Variants in SCFD2 observed in about 807,000 individuals in gnomAD.
The protein encoded by SCFD2 is sec1 family domain-containing protein 2.
A neutral mutation model predicts 58.9 loss-of-function variants in SCFD2; 54 were observed. The ratio of observed to expected loss-of-function variants is 0.92; its 90% CI spans 0.74 to 1.15. The LOEUF (loss-of-function observed/expected upper bound fraction) is 1.15, where lower values mean the gene tolerates loss of function less well. Ranked by LOEUF, SCFD2 falls within the 50% of genes most tolerant of loss-of-function variation. SCFD2 has a pLI of 0.00. For synonymous variants in SCFD2, 321 were observed against 335.9 expected (o/e 0.96, Z 0.49); for missense variants, 805 against 836.6 (o/e 0.96, Z 0.47).
At position 53,234,924 on chromosome 4, in the gene SCFD2, G is replaced by A. The variant is rs180712019; in HGVS notation, c.1311+38902C>T. Reference sequence around the variant, plus strand: ...TCTTACTCACACAAAGTGAAAATAGGTGATCCTGGGCTGGTATGGTGTTTC... The same window carrying A: ...TCTTACTCACACAAAGTGAAAATAGATGATCCTGGGCTGGTATGGTGTTTC... On this transcript the variant is annotated intron_variant, in intron 4 of 8. Transcript: ENST00000401642. Among the ~76,000 whole-genome samples the A allele has an allele frequency of 3.9e-5, 6 of 152,354 alleles. No individual in the cohort carries two copies. The East Asian group carries it at 1.2e-3, about 29-fold the overall frequency.
chr4:53,298,547 A>G (rs780196379), intron 3 of SCFD2, among the ~76,000 whole-genome samples: 8 of 152,336 alleles, frequency 5.3e-5, no homozygotes, highest in Non-Finnish European at 8.8e-5. Flanking sequence ...AAAGACAGCA[A>G]TAACCTCTGC....
At chr4:53,198,222 A>G (rs1266941791) in intron 4 of SCFD2, among the ~76,000 whole-genome samples, 1 of 152,088 alleles carries the variant, frequency 6.6e-6, no homozygotes, top group Non-Finnish European at 1.5e-5. Flanking sequence ...AACAATAATT[A>G]CTGTATTTGA....
intron 5 of SCFD2, among the ~76,000 whole-genome samples, chr4:53,122,151 T>C (rs1577746914): frequency 6.6e-6 from 1 of 151,946 alleles, no homozygotes; most frequent in Non-Finnish European, 1.5e-5. Flanking sequence ...CTGAGGCAGG[T>C]GGATCACCTG....
intron 5 of SCFD2, among the ~76,000 whole-genome samples, chr4:53,056,214 G>C (rs1723335204): frequency 6.7e-6 from 1 of 149,120 alleles, no homozygotes; most frequent in Admixed American, 6.8e-5. Context: ...ATGACTGCCT[G>C]TATTATACAA....
chr4:53,163,248 C>T (rs1410669546), intron 4 of SCFD2, among the ~76,000 whole-genome samples: 2 of 152,198 alleles, frequency 1.3e-5, no homozygotes, highest in Non-Finnish European at 2.9e-5. Context: ...GGCTTGAGTG[C>T]TGGAATCAGG....
chr4:53,238,115 C>A (rs1176749861), intron 4 of SCFD2, among the ~76,000 whole-genome samples: 1 of 133,456 alleles, frequency 7.5e-6, no homozygotes, highest in African/African-American at 2.8e-5. Context: ...CCTCACTTCC[C>A]AGTAGGGGTG....
chr4:52,883,418 C>G (rs899338278), intron 8 of SCFD2, among the ~76,000 whole-genome samples: 3 of 152,212 alleles, frequency 2.0e-5, no homozygotes, highest in Non-Finnish European at 2.9e-5. Flanking sequence ...GGCCTGCTAA[C>G]TCTTCAGGGG....
chr4:52,990,487 GGGAGAGCTGA>G (rs1474612218), intron 5 of SCFD2, among the ~76,000 whole-genome samples: 98 of 152,316 alleles, frequency 6.4e-4, no homozygotes, highest in African/African-American at 2.3e-3. Context: ...CCAGCCAATG[GGGAGAGCTGA>G]GGCTGCTTGC....
intron 3 of SCFD2, among the ~76,000 whole-genome samples, chr4:53,278,510 C>T (rs1731405595): frequency 6.7e-6 from 1 of 149,654 alleles, no homozygotes; most frequent in South Asian, 2.1e-4. Context: ...GCCTGGGCGA[C>T]AGAGTGAGAC....
chr4:53,128,577 C>T (rs773065944), intron 5 of SCFD2, among the ~76,000 whole-genome samples: 4 of 151,254 alleles, frequency 2.6e-5, no homozygotes, highest in Non-Finnish European at 4.4e-5. Context: ...CTGTAAGGTT[C>T]GGAGGGGAGG....
At chr4:53,354,501 A>T (rs1341623191) in intron 1 of SCFD2, among the ~76,000 whole-genome samples, 1 of 152,196 alleles carries the variant, frequency 6.6e-6, no homozygotes, top group Non-Finnish European at 1.5e-5. Flanking sequence ...CTCCGGCCTC[A>T]ACCAGCCCAG....
At chr4:52,959,332 T>C (rs1434029197) in intron 5 of SCFD2, among the ~76,000 whole-genome samples, 3 of 152,142 alleles carry the variant, frequency 2.0e-5, no homozygotes, top group African/African-American at 7.2e-5. Flanking sequence ...TGGGCTGCTC[T>C]ACCCAGAATC....
chr4:53,090,843 C>T (rs895830624), intron 5 of SCFD2, among the ~76,000 whole-genome samples: 1 of 152,070 alleles, frequency 6.6e-6, no homozygotes, highest in South Asian at 2.1e-4. Flanking sequence ...CTTCACACCA[C>T]CCCTATGGGA....
intron 5 of SCFD2, among the ~76,000 whole-genome samples, chr4:53,026,623 C>A (rs1160141887): frequency 1.3e-5 from 2 of 152,146 alleles, no homozygotes; most frequent in African/African-American, 4.8e-5. Context: ...ACAGTGAGAA[C>A]CCTGCAAATC....
At chr4:53,289,477 A>G (rs1460862980) in intron 3 of SCFD2, among the ~76,000 whole-genome samples, 1 of 152,194 alleles carries the variant, frequency 6.6e-6, no homozygotes, top group Non-Finnish European at 1.5e-5. Context: ...TATGGCAGAT[A>G]CACAAATGAG....
At position 53,365,948 on chromosome 4, in the gene SCFD2, G is replaced by T; in HGVS notation, c.-7C>A. On this transcript the variant is annotated 5_prime_UTR_variant, in exon 1 of 9. Transcript: ENST00000401642. This position sits in a 1 kb window ranked among gnomAD's most constrained non-coding sequence, Gnocchi z 4.3. ...GTACGCCCGAGGCGCTCATGGTTGG[G>T]GATTCGCAGACTTGGGAAACTACGG... 9 of 1,516,422 alleles carry T rather than the reference G, an allele frequency of 5.9e-6. No homozygotes were observed. The highest frequency in any genetic ancestry group is 7.9e-6 in the Non-Finnish European group (9 of 1,139,254). 93.9% of individuals were successfully genotyped at this position (1,516,422 alleles called of 1,614,324 possible). A position where few individuals can be genotyped will look rare whatever the true frequency, so the allele number is the denominator to read the frequency against.
At chr4:53,177,433 ATTTATTTG>A (rs1727374475) in intron 4 of SCFD2, among the ~76,000 whole-genome samples, 1 of 17,142 alleles carries the variant, frequency 5.8e-5, no homozygotes, top group Admixed American at 1.0e-3. Flanking sequence ...ATTAAGGTTT[ATTTATTTG>A]TTTGTTTGTT....
At chr4:53,027,066 A>G (rs1361760805) in intron 5 of SCFD2, among the ~76,000 whole-genome samples, 1 of 152,208 alleles carries the variant, frequency 6.6e-6, no homozygotes, top group Non-Finnish European at 1.5e-5. Flanking sequence ...TGACCACATT[A>G]TCAGTGAACA....
intron 4 of SCFD2, among the ~76,000 whole-genome samples, chr4:53,206,658 C>G (rs1484432478): frequency 6.6e-6 from 1 of 152,008 alleles, no homozygotes; most frequent in African/African-American, 2.4e-5. Context: ...ACATGTATCA[C>G]TGACAGTAAT....
Sources: gnomAD v4.1 joint callset for allele counts (sites outside exome capture counted in the v4.1 genomes callset) on GRCh38, gnomAD v4.1.1 for gene constraint, Gnocchi (gnomAD v3.1) non-coding constraint, MANE v1.5 for transcripts, NCBI Gene and HGNC (gene_info 2026-07-23, HGNC 2026-07-21) for gene names.